ASIC2: variants seen among roughly 807,000 people sequenced by gnomAD.
ASIC2 encodes the protein acid-sensing ion channel 2.
A neutral mutation model predicts 57.3 loss-of-function variants in ASIC2; 25 were observed. That is an observed-to-expected ratio of 0.44 (90% CI 0.32 to 0.61). The LOEUF (loss-of-function observed/expected upper bound fraction) is 0.61. Among genes scored for constraint, ASIC2 ranks in the 20% least tolerant of loss-of-function variants. ASIC2 has a pLI of 0.06. For synonymous variants in ASIC2, 319 were observed against 307.5 expected (o/e 1.04, Z -0.39); for missense variants, 641 against 738.1 (o/e 0.87, Z 1.52).
chr17:33,106,915 C>T (rs547236010), intron 2 of ASIC2, among the ~76,000 whole-genome samples: 252 of 152,274 alleles, frequency 1.7e-3, no homozygotes, highest in African/African-American at 5.6e-3. Context: ...GAAAAGAATT[C>T]AGAGGGAGGA....
intron 1 of ASIC2, among the ~76,000 whole-genome samples, chr17:34,152,653 A>G (rs1904570811): frequency 6.6e-6 from 1 of 152,190 alleles, no homozygotes; most frequent in Non-Finnish European, 1.5e-5. Context: ...GCCTCCCAAC[A>G]TCCCTGTGGG....
chr17:34,099,826 G>A (rs73986858), intron 1 of ASIC2, among the ~76,000 whole-genome samples: 3,382 of 150,778 alleles, frequency 0.022, 166 homozygotes, highest in African/African-American at 0.079. Context: ...ATAGTATTCC[G>A]AAGGCTGCAA....
At chr17:33,646,425 G>A (rs1333534027) in intron 1 of ASIC2, among the ~76,000 whole-genome samples, 1 of 152,166 alleles carries the variant, frequency 6.6e-6, no homozygotes, top group South Asian at 2.1e-4. Flanking sequence ...GGCTTGGAAG[G>A]GGAAAAGAAG....
At chr17:34,066,895 G>A (rs115035864) in intron 1 of ASIC2, among the ~76,000 whole-genome samples, 1 of 152,108 alleles carries the variant, frequency 6.6e-6, no homozygotes, top group South Asian at 2.1e-4. Flanking sequence ...TCAGCTCCTC[G>A]GACAGGTGGG....
At chr17:33,906,326 G>A (rs59444254) in intron 1 of ASIC2, among the ~76,000 whole-genome samples, 13,799 of 152,216 alleles carry the variant, frequency 0.091, 1,183 homozygotes, top group East Asian at 0.29. Context: ...CCTAGGAGTA[G>A]GTCAAAGTCA....
intron 3 of ASIC2, among the ~76,000 whole-genome samples, chr17:33,059,594 A>G (rs543283723): frequency 4.1e-4 from 63 of 152,330 alleles, no homozygotes; most frequent in African/African-American, 1.4e-3. Flanking sequence ...AGTCTTTGCT[A>G]TTGTGAGTAG....
At chr17:33,988,386 G>C (rs553447287) in intron 1 of ASIC2, among the ~76,000 whole-genome samples, 1 of 152,254 alleles carries the variant, frequency 6.6e-6, no homozygotes, top group Non-Finnish European at 1.5e-5. Flanking sequence ...TTTAAAAGAG[G>C]AGTTCCCCTG....
intron 1 of ASIC2, among the ~76,000 whole-genome samples, chr17:33,220,147 G>A (rs1435721729): frequency 6.6e-6 from 1 of 152,144 alleles, no homozygotes; most frequent in African/African-American, 2.4e-5. Flanking sequence ...TTTAACTCTA[G>A]AATAGAGACC....
intron 1 of ASIC2, among the ~76,000 whole-genome samples, chr17:33,915,664 T>C (rs1224390147): frequency 6.6e-6 from 1 of 152,226 alleles, no homozygotes; most frequent in Admixed American, 6.5e-5. Context: ...AAGTGCTTTC[T>C]GCAGAGGCCG....
At chr17:33,500,509 C>T (rs1251554176) in intron 1 of ASIC2, among the ~76,000 whole-genome samples, 1 of 152,206 alleles carries the variant, frequency 6.6e-6, no homozygotes, top group African/African-American at 2.4e-5. Context: ...ACGTGATTCT[C>T]ATTGTAGGAA....
At chr17:33,086,784 T>C (rs915966798) in intron 3 of ASIC2, among the ~76,000 whole-genome samples, 1 of 150,980 alleles carries the variant, frequency 6.6e-6, no homozygotes, top group Non-Finnish European at 1.5e-5. Context: ...GGCCCCTGTC[T>C]CCCCGTCTCT....
chr17:33,654,841 A>G (rs941382083), intron 1 of ASIC2, among the ~76,000 whole-genome samples: 12 of 152,208 alleles, frequency 7.9e-5, no homozygotes, highest in African/African-American at 2.4e-4. Flanking sequence ...CAAAAAGAAG[A>G]TGGCTTGGCT....
At chr17:33,155,709 G>A (rs763705481) in intron 1 of ASIC2, among the ~76,000 whole-genome samples, 16 of 151,686 alleles carry the variant, frequency 1.1e-4, no homozygotes, top group Non-Finnish European at 2.4e-4. Flanking sequence ...ACAGGCGCCT[G>A]CTACCACACC....
chr17:34,149,279 G>T (rs1378335370), intron 1 of ASIC2, among the ~76,000 whole-genome samples: 1 of 151,590 alleles, frequency 6.6e-6, no homozygotes, highest in Admixed American at 6.6e-5. Context: ...GCTCATTTTT[G>T]TATTTCTTGT....
chr17:33,954,875 G>A (rs1904686227), intron 1 of ASIC2: 1 of 152,186 alleles, frequency 6.6e-6, no homozygotes. Context: ...AAGTCTCCAA[G>A]GGGATATGTT....
At chr17:33,518,071 C>G (rs1914628491) in intron 1 of ASIC2, among the ~76,000 whole-genome samples, 1 of 152,150 alleles carries the variant, frequency 6.6e-6, no homozygotes, top group Admixed American at 6.5e-5. Flanking sequence ...ATCTATTTGC[C>G]CCTCTGATGT....
chr17:33,725,122 T>C (rs1226170227), intron 1 of ASIC2, among the ~76,000 whole-genome samples: 1 of 152,190 alleles, frequency 6.6e-6, no homozygotes, highest in South Asian at 2.1e-4. Flanking sequence ...TGCCCTCTGC[T>C]TCAGCAGCTC....
At chr17:33,966,910 C>G (rs75388702) in intron 1 of ASIC2, among the ~76,000 whole-genome samples, 4 of 152,142 alleles carry the variant, frequency 2.6e-5, no homozygotes, top group Admixed American at 1.3e-4. Context: ...CATGACCCCC[C>G]GCACCCACCC....
At chr17:33,812,989 T>G (rs1291444712) in intron 1 of ASIC2, among the ~76,000 whole-genome samples, 1 of 152,158 alleles carries the variant, frequency 6.6e-6, no homozygotes. Flanking sequence ...ATTTTTTGGC[T>G]CAGGGTGAGC....
Sources: gnomAD v4.1 joint callset for allele counts (sites outside exome capture counted in the v4.1 genomes callset) on GRCh38, gnomAD v4.1.1 for gene constraint, MANE v1.5 for transcripts, NCBI Gene and HGNC (gene_info 2026-07-23, HGNC 2026-07-21) for gene names.